The following AHCYL2 variants were observed in gnomAD, a reference collection of about 807,000 sequenced individuals.
The protein encoded by AHCYL2 is adenosylhomocysteinase like 2, also known as S-adenosylhomocysteine hydrolase-like protein 2.
In AHCYL2, 28 loss-of-function variants were observed where a neutral mutation model predicts 81.4. The ratio of observed to expected loss-of-function variants is 0.34; its 90% CI spans 0.25 to 0.47. The LOEUF is 0.47. Among genes scored for constraint, AHCYL2 ranks in the 20% least tolerant of loss-of-function variants. The pLI is 1.00. For synonymous variants in AHCYL2, 272 were observed against 290.2 expected, an observed-to-expected ratio of 0.94 and a Z score of 0.64; for missense variants, 551 against 785.1, an observed-to-expected ratio of 0.70 and a Z score of 3.56.
At chr7:129,401,410 G>C (rs1796030099) in intron 6 of AHCYL2, among the ~76,000 whole-genome samples, 1 of 151,384 alleles carries the variant, frequency 6.6e-6, no homozygotes, top group South Asian at 2.1e-4. Flanking sequence ...CTCTCCCCTA[G>C]GGGGAGGGGG....
intron 1 of AHCYL2, among the ~76,000 whole-genome samples, chr7:129,349,672 A>G (rs1240761475): frequency 4.0e-5 from 6 of 150,020 alleles, no homozygotes; most frequent in Admixed American, 3.3e-4. Flanking sequence ...AAAAAAAAAA[A>G]GCGTATGCCA....
intron 2 of AHCYL2, among the ~76,000 whole-genome samples, chr7:129,382,442 A>G (rs927121675): frequency 6.6e-6 from 1 of 152,172 alleles, no homozygotes; most frequent in Non-Finnish European, 1.5e-5. Context: ...TCCACAAAAA[A>G]TTTAAAAATT....
At chr7:129,349,928 T>G (rs916044416) in intron 1 of AHCYL2, among the ~76,000 whole-genome samples, 9 of 152,228 alleles carry the variant, frequency 5.9e-5, no homozygotes, top group African/African-American at 1.9e-4. Flanking sequence ...GTTACTTGAT[T>G]GAAGTCCAGA....
chr7:129,330,324 A>G (rs1798373096), intron 1 of AHCYL2, among the ~76,000 whole-genome samples: 1 of 152,056 alleles, frequency 6.6e-6, no homozygotes, highest in Non-Finnish European at 1.5e-5. Flanking sequence ...TGTAATAGTG[A>G]AAAATGGAAA....
chr7:129,227,329 A>G (rs1017396936), intron 1 of AHCYL2, among the ~76,000 whole-genome samples: 20 of 151,914 alleles, frequency 1.3e-4, no homozygotes, highest in African/African-American at 4.1e-4. Flanking sequence ...AATATATTCT[A>G]TATAAAGAAA....
At chr7:129,251,862 G>A (rs1395197604) in intron 1 of AHCYL2, among the ~76,000 whole-genome samples, 1 of 152,104 alleles carries the variant, frequency 6.6e-6, no homozygotes, top group Non-Finnish European at 1.5e-5. Flanking sequence ...TTGTCACACT[G>A]CCTTCTGAGT....
At chr7:129,271,233 C>T (rs1584727533) in intron 1 of AHCYL2, among the ~76,000 whole-genome samples, 3 of 151,786 alleles carry the variant, frequency 2.0e-5, no homozygotes, top group South Asian at 2.1e-4. Flanking sequence ...TGGTGGCAGG[C>T]GCCTGTAGTC....
intron 1 of AHCYL2, among the ~76,000 whole-genome samples, chr7:129,357,930 T>C (rs1239814137): frequency 1.4e-5 from 2 of 141,044 alleles, no homozygotes; most frequent in East Asian, 4.1e-4. Flanking sequence ...CGAGACTCCA[T>C]CTCAAAAAAA....
Position 129,353,328 on chromosome 7 carries a change from A to G in AHCYL2, c.364-26310A>G, listed in dbSNP as rs1055399078. 2.0e-5 allele frequency among the ~76,000 whole-genome samples: 3 copies of G among 152,060 alleles called. No individual in the cohort carries two copies. The East Asian group carries it at 5.8e-4, about 29-fold the overall frequency. Reference sequence around the variant, plus strand: ...TTCCAGCCACACAAGTAATCTTTCTATTCCTTAAACATGCCAAGTTCTTTC... The same window carrying G: ...TTCCAGCCACACAAGTAATCTTTCTGTTCCTTAAACATGCCAAGTTCTTTC... On this transcript the variant is annotated intron_variant, in intron 1 of 16. Transcript: ENST00000325006.
Position 129,238,145 on chromosome 7 carries a change from G to A in AHCYL2, c.363+12706G>A, listed in dbSNP as rs189871770. On this transcript the variant is annotated intron_variant, in intron 1 of 16. Transcript: ENST00000325006. Reference sequence around the variant, plus strand: ...TTCAAAGTTGACATTAACTGCGTTAGCTTAAAGAAGAAATTCTTTTCCTGG... The same window carrying A: ...TTCAAAGTTGACATTAACTGCGTTAACTTAAAGAAGAAATTCTTTTCCTGG... 1.1e-3 allele frequency among the ~76,000 whole-genome samples: 167 copies of A among 152,272 alleles called. No individual in the cohort carries two copies. The Middle Eastern group carries it at 0.02, about 19-fold the overall frequency.
At chr7:129,300,142 A>G (rs1187174628) in intron 1 of AHCYL2, among the ~76,000 whole-genome samples, 2 of 152,172 alleles carry the variant, frequency 1.3e-5, no homozygotes, top group African/African-American at 2.4e-5. Context: ...ATCATATTAC[A>G]ATCCTATTAT....
In AHCYL2 at chr7:129,426,359, A is replaced by G; in HGVS notation, c.1709-84A>G. ...TCCAGGAATTAGAAGGTGTCTTTGA[A>G]CTTTTTAAGGCCTAGCTTGGGGACA... On this transcript the variant is annotated intron_variant, in intron 15 of 16. Coordinates refer to ENST00000325006, the MANE Select transcript of AHCYL2 (RefSeq NM_015328.4). This position sits in a 1 kb window ranked among gnomAD's most constrained non-coding sequence, Gnocchi z 4.3. 6.2e-7 allele frequency: 1 copy of G among 1,606,298 alleles called. No homozygotes were observed. The highest frequency in any genetic ancestry group is 8.5e-7 in the Non-Finnish European group (1 of 1,173,960).
chr7:129,327,612 C>T (rs558491286), intron 1 of AHCYL2, among the ~76,000 whole-genome samples: 9 of 151,804 alleles, frequency 5.9e-5, no homozygotes, highest in African/African-American at 2.2e-4. Flanking sequence ...ATTATAGGTG[C>T]CCGCCACCTT....
At chr7:129,274,142 T>TA (rs1796114776) in intron 1 of AHCYL2, among the ~76,000 whole-genome samples, 1 of 152,244 alleles carries the variant, frequency 6.6e-6, no homozygotes, top group Admixed American at 6.5e-5. Flanking sequence ...CAGTAACTGT[T>TA]ATGTGTCTCC....
intron 1 of AHCYL2, among the ~76,000 whole-genome samples, chr7:129,282,460 C>T (rs1796478597): frequency 6.6e-6 from 1 of 151,930 alleles, no homozygotes; most frequent in Non-Finnish European, 1.5e-5. Context: ...TCTTCTAGTT[C>T]ACTCATCTCT....
chr7:129,259,350 T>C (rs1460201918), intron 1 of AHCYL2, among the ~76,000 whole-genome samples: 3 of 152,170 alleles, frequency 2.0e-5, no homozygotes, highest in Admixed American at 6.5e-5. Context: ...TCTTTAAAAT[T>C]TTAAATTATT....
At chr7:129,256,869 G>T (rs1449948927) in intron 1 of AHCYL2, among the ~76,000 whole-genome samples, 1 of 151,794 alleles carries the variant, frequency 6.6e-6, no homozygotes, top group African/African-American at 2.4e-5. Context: ...AATAATGTGT[G>T]AATAAACTTT....
chr7:129,298,146 C>T (rs1797118040), intron 1 of AHCYL2, among the ~76,000 whole-genome samples: 2 of 152,312 alleles, frequency 1.3e-5, no homozygotes, highest in South Asian at 2.1e-4. Context: ...ACTCTAACCT[C>T]ATTGAGAGAA....
At chr7:129,421,827 A>G (rs751885577) in intron 12 of AHCYL2, among the ~76,000 whole-genome samples, 3 of 152,190 alleles carry the variant, frequency 2.0e-5, no homozygotes, top group Non-Finnish European at 4.4e-5. Flanking sequence ...GTCTTTGTCC[A>G]TAAGTGGCTC....
Sources: allele counts gnomAD v4.1 joint callset (sites outside exome capture counted in the v4.1 genomes callset), GRCh38; gene constraint gnomAD v4.1.1; non-coding constraint Gnocchi (gnomAD v3.1); transcripts MANE v1.5; gene names NCBI Gene and HGNC (gene_info 2026-07-23, HGNC 2026-07-21).